PRR33: variants seen among roughly 807,000 people sequenced by gnomAD.
PRR33 encodes the protein proline rich 33, also known as proline-rich protein 33.
PRR33 carries 1 observed loss-of-function variant against 0.5 expected under a neutral mutation model. The observed-to-expected ratio is 2.18, with a 90% CI of 0.77 to 10.34. The LOEUF (loss-of-function observed/expected upper bound fraction) is 10.34. Ranked by LOEUF, PRR33 falls within the 30% of genes most tolerant of loss-of-function variation. The pLI is 0.13. For synonymous variants in PRR33, 226 were observed against 110.0 expected, an observed-to-expected ratio of 2.06 and a Z score of -6.60; for missense variants, 552 against 251.8, an observed-to-expected ratio of 2.19 and a Z score of -8.07.
At chr11:1,895,887 G>A (rs149784201), upstream of PRR33, among the ~76,000 whole-genome samples, 7 of 152,112 alleles carry the variant, frequency 4.6e-5, no homozygotes, top group East Asian at 9.7e-4. Flanking sequence ...GGGTGCCTGC[G>A]GTCCCAGCTA....
At chr11:1,901,147 T>C in the PRR33 span, among the ~76,000 whole-genome samples, 18 of 151,852 alleles carry the variant, frequency 1.2e-4, no homozygotes, top group Non-Finnish European at 2.1e-4. Flanking sequence ...TCATCTCTAC[T>C]AAAAAAAATA....
exon 1 of PRR33, chr11:1,890,233 G>A: frequency 1.4e-6 from 1 of 716,612 alleles, no homozygotes; most frequent in Non-Finnish European, 2.6e-6. Flanking sequence ...TGGATGATGG[G>A]GGTGTGCGGG....
the PRR33 span, among the ~76,000 whole-genome samples, chr11:1,913,460 T>C: frequency 6.6e-6 from 1 of 152,180 alleles, no homozygotes. Flanking sequence ...CTTTCTGATA[T>C]AAGCATCCAG....
chr11:1,890,587 C>A, exon 1 of PRR33: 1 of 705,968 alleles, frequency 1.4e-6, no homozygotes, highest in Non-Finnish European at 2.6e-6. Flanking sequence ...ATGAGCATGA[C>A]TGTGTCCTAG....
the PRR33 span, among the ~76,000 whole-genome samples, chr11:1,900,737 C>A: frequency 2.0e-5 from 3 of 152,276 alleles, no homozygotes; most frequent in South Asian, 6.2e-4. Flanking sequence ...ATTTTAGGAA[C>A]CCCATACAAT....
chr11:1,890,491 C>T, exon 1 of PRR33: 1 of 717,192 alleles, frequency 1.4e-6, no homozygotes, highest in Non-Finnish European at 2.6e-6. Context: ...TTGTCCTTCC[C>T]TGGCTTGGGC....
the PRR33 span, among the ~76,000 whole-genome samples, chr11:1,902,005 G>T: frequency 6.6e-6 from 1 of 152,162 alleles, no homozygotes. Context: ...GGCCGAGGCG[G>T]GTGGATCATG....
the PRR33 span, chr11:1,889,168 CT>C: frequency 1.5e-6 from 1 of 672,854 alleles, no homozygotes; most frequent in Non-Finnish European, 2.8e-6. Flanking sequence ...CAGCCAGTCG[CT>C]GTGCGGTTGA....
At chr11:1,909,866 A>T in the PRR33 span, among the ~76,000 whole-genome samples, 37 of 152,244 alleles carry the variant, frequency 2.4e-4, no homozygotes, top group Admixed American at 6.5e-5. Flanking sequence ...TTTGTGGTGG[A>T]ATCCTCTGCT....
chr11:1,890,129 C>G (rs1848932178), exon 1 of PRR33: 1 of 716,990 alleles, frequency 1.4e-6, no homozygotes, highest in Admixed American at 2.0e-5. Flanking sequence ...AGGCTACAAC[C>G]TGGGGCCCCA....
chr11:1,895,825 G>A (rs1849118377), upstream of PRR33, among the ~76,000 whole-genome samples: 1 of 152,156 alleles, frequency 6.6e-6, no homozygotes, highest in African/African-American at 2.4e-5. Context: ...CTACAGTTGT[G>A]CACCGAGTCG....
chr11:1,906,784 A>G, the PRR33 span, among the ~76,000 whole-genome samples: 1 of 152,080 alleles, frequency 6.6e-6, no homozygotes, highest in Non-Finnish European at 1.5e-5. Context: ...GTCCTTTCGG[A>G]TTGTGCTTTC....
At chr11:1,905,646 T>C in the PRR33 span, among the ~76,000 whole-genome samples, 2 of 151,146 alleles carry the variant, frequency 1.3e-5, no homozygotes, top group Admixed American at 1.3e-4. Flanking sequence ...TACCAAACCC[T>C]GGTAGAAATG....
chr11:1,910,224 G>A, the PRR33 span, among the ~76,000 whole-genome samples: 1 of 151,892 alleles, frequency 6.6e-6, no homozygotes, highest in African/African-American at 2.4e-5. Flanking sequence ...CACCCTGCAC[G>A]CTGGCCAAGA....
At chr11:1,898,175 A>G in the PRR33 span, among the ~76,000 whole-genome samples, 1 of 152,154 alleles carries the variant, frequency 6.6e-6, no homozygotes, top group Admixed American at 6.5e-5. Context: ...GAGAATTTAA[A>G]GACTGTTGTG....
the PRR33 span, among the ~76,000 whole-genome samples, chr11:1,908,529 C>T: frequency 6.6e-6 from 1 of 152,038 alleles, no homozygotes; most frequent in Non-Finnish European, 1.5e-5. Flanking sequence ...AGGACCGTCG[C>T]TAAGTACTTT....
the PRR33 span, among the ~76,000 whole-genome samples, chr11:1,900,123 A>G: frequency 6.6e-6 from 1 of 151,956 alleles, no homozygotes; most frequent in Admixed American, 6.6e-5. Context: ...TTAATAGTGG[A>G]AGCTTCAAGG....
the PRR33 span, among the ~76,000 whole-genome samples, chr11:1,913,928 G>A: frequency 6.6e-6 from 1 of 152,358 alleles, no homozygotes; most frequent in Admixed American, 6.5e-5. Context: ...GGATGCGTGG[G>A]GGACGGAGCC....
chr11:1,916,552 C>T, the PRR33 span, among the ~76,000 whole-genome samples: 11 of 151,898 alleles, frequency 7.2e-5, no homozygotes, highest in South Asian at 1.3e-3. Context: ...CAAGGGCAGC[C>T]GAGAGGCAGG....
Sources: allele counts gnomAD v4.1 joint callset (sites outside exome capture counted in the v4.1 genomes callset), GRCh38; gene constraint gnomAD v4.1.1; transcripts MANE v1.5; gene names NCBI Gene and HGNC (gene_info 2026-07-23, HGNC 2026-07-21).